The following GPR39 variants were observed in gnomAD, a reference collection of about 807,000 sequenced individuals.
GPR39 encodes G protein-coupled receptor 39.
GPR39 carries 23 observed loss-of-function variants against 18.4 expected under a neutral mutation model. The observed-to-expected ratio is 1.25, with a 90% CI of 0.90 to 1.77. The LOEUF (loss-of-function observed/expected upper bound fraction) is 1.77, where lower values mean the gene tolerates loss of function less well. Among genes scored for constraint, GPR39 ranks in the 40% most tolerant of loss-of-function variants. The pLI is 0.00. For synonymous variants in GPR39, 280 were observed against 257.9 expected, an observed-to-expected ratio of 1.09 and a Z score of -0.82; for missense variants, 647 against 602.4, an observed-to-expected ratio of 1.07 and a Z score of -0.78.
chr2:132,549,987 T>A (rs1473345499), intron 1 of GPR39, among the ~76,000 whole-genome samples: 1 of 151,224 alleles, frequency 6.6e-6, no homozygotes, highest in Non-Finnish European at 1.5e-5. Context: ...TGTGCATGAG[T>A]CTGTGTGAGT....
chr2:132,459,811 TATG>T (rs1298011755), intron 1 of GPR39, among the ~76,000 whole-genome samples: 6 of 152,348 alleles, frequency 3.9e-5, no homozygotes, highest in African/African-American at 1.2e-4. Flanking sequence ...CTTGAACTTA[TATG>T]ACACTGAGCA....
At chr2:132,517,630 C>T (rs79405580) in intron 1 of GPR39, among the ~76,000 whole-genome samples, 2 of 152,178 alleles carry the variant, frequency 1.3e-5, no homozygotes, top group African/African-American at 4.8e-5. Flanking sequence ...GATATGGTTA[C>T]AGCATGCTAC....
At chr2:132,484,784 T>C (rs1681299610) in intron 1 of GPR39, among the ~76,000 whole-genome samples, 1 of 152,246 alleles carries the variant, frequency 6.6e-6, no homozygotes, top group African/African-American at 2.4e-5. Context: ...TGCTCTGACA[T>C]ATTTTGTAGC....
intron 1 of GPR39, among the ~76,000 whole-genome samples, chr2:132,624,466 T>C (rs912408671): frequency 2.6e-5 from 4 of 152,242 alleles, no homozygotes; most frequent in Admixed American, 2.6e-4. Flanking sequence ...ATTTTTGAAC[T>C]TTTTATTAAA....
intron 1 of GPR39, among the ~76,000 whole-genome samples, chr2:132,621,202 A>T (rs1681434969): frequency 6.6e-6 from 1 of 152,166 alleles, no homozygotes; most frequent in African/African-American, 2.4e-5. Context: ...TGGACCTGGA[A>T]GATTTCCAAG....
At chr2:132,539,290 C>T (rs913101795) in intron 1 of GPR39, among the ~76,000 whole-genome samples, 5 of 152,088 alleles carry the variant, frequency 3.3e-5, no homozygotes, top group South Asian at 4.1e-4. Flanking sequence ...CCCTTGGCTG[C>T]GGGAGGGAGG....
chr2:132,574,550 C>CA (rs1465341697), intron 1 of GPR39, among the ~76,000 whole-genome samples: 2 of 152,094 alleles, frequency 1.3e-5, no homozygotes, highest in South Asian at 2.1e-4. Context: ...GCCTGGCCAA[C>CA]ATGACAAAAT....
chr2:132,616,550 C>G (rs923609189), intron 1 of GPR39, among the ~76,000 whole-genome samples: 1 of 152,148 alleles, frequency 6.6e-6, no homozygotes, highest in Non-Finnish European at 1.5e-5. Context: ...TCTGACTTTA[C>G]CTGTTCACAG....
intron 1 of GPR39, among the ~76,000 whole-genome samples, chr2:132,440,398 C>T (rs1440773424): frequency 6.6e-6 from 1 of 152,166 alleles, no homozygotes; most frequent in Non-Finnish European, 1.5e-5. Flanking sequence ...AGCTGGACTG[C>T]TGGGTTCCAA....
At chr2:132,629,589 G>T (rs1053710924) in intron 1 of GPR39, among the ~76,000 whole-genome samples, 1 of 152,176 alleles carries the variant, frequency 6.6e-6, no homozygotes, top group Non-Finnish European at 1.5e-5. Flanking sequence ...AGCTGAAAAG[G>T]GCTGCAGAAA....
intron 1 of GPR39, among the ~76,000 whole-genome samples, chr2:132,522,993 C>T (rs896884109): frequency 6.6e-6 from 1 of 151,752 alleles, no homozygotes; most frequent in African/African-American, 2.4e-5. Context: ...CGAGGCCCAC[C>T]CCATACAGGG....
chr2:132,563,685 G>T (rs10928429), intron 1 of GPR39, among the ~76,000 whole-genome samples: 59,480 of 151,838 alleles, frequency 0.39, 13,821 homozygotes, highest in East Asian at 0.77. Context: ...TGGGGGACTT[G>T]CAGAAATCCC....
intron 1 of GPR39, among the ~76,000 whole-genome samples, chr2:132,484,400 A>G (rs994450110): frequency 3.3e-5 from 5 of 152,236 alleles, no homozygotes; most frequent in Non-Finnish European, 7.3e-5. Context: ...GGTTAGCAAA[A>G]AATAAAGAAC....
intron 1 of GPR39, among the ~76,000 whole-genome samples, chr2:132,421,418 T>C (rs868547524): frequency 5.9e-5 from 9 of 151,488 alleles, no homozygotes; most frequent in African/African-American, 1.7e-4. Context: ...AGGGCAGTGA[T>C]TGGCTTTCAA....
At chr2:132,559,434 C>T (rs535163456) in intron 1 of GPR39, among the ~76,000 whole-genome samples, 4 of 152,116 alleles carry the variant, frequency 2.6e-5, no homozygotes, top group South Asian at 4.2e-4. Flanking sequence ...TGGATTAGGA[C>T]GTAGAGCTGG....
chr2:132,643,186 AT>A (rs563082606), intron 1 of GPR39, among the ~76,000 whole-genome samples: 2 of 152,270 alleles, frequency 1.3e-5, no homozygotes, highest in South Asian at 2.1e-4. Flanking sequence ...TTAAGATGGT[AT>A]TTTTTTAACC....
chr2:132,610,156 A>G (rs1681215321), intron 1 of GPR39, among the ~76,000 whole-genome samples: 2 of 152,028 alleles, frequency 1.3e-5, no homozygotes, highest in Admixed American at 1.3e-4. Context: ...GGAATACCTC[A>G]CCCTTTTGGT....
intron 1 of GPR39, among the ~76,000 whole-genome samples, chr2:132,584,991 C>A (rs886934053): frequency 2.0e-5 from 3 of 152,168 alleles, no homozygotes; most frequent in Non-Finnish European, 4.4e-5. Flanking sequence ...TCCTGCCCCC[C>A]ACCATCAGGG....
chr2:132,583,541 G>C (rs1273456519), intron 1 of GPR39, among the ~76,000 whole-genome samples: 2 of 152,050 alleles, frequency 1.3e-5, no homozygotes, highest in African/African-American at 4.8e-5. Flanking sequence ...ATGGGAGAAG[G>C]GGGAGTCTCA....
Sources: allele counts gnomAD v4.1 joint callset (sites outside exome capture counted in the v4.1 genomes callset), GRCh38; gene constraint gnomAD v4.1.1; transcripts MANE v1.5; gene names NCBI Gene and HGNC (gene_info 2026-07-23, HGNC 2026-07-21).